The following NOL7 variants were observed in gnomAD, a reference collection of about 807,000 sequenced individuals.
NOL7 encodes the protein nucleolar protein 7, also known as U3 small nucleolar RNA-associated protein NOL7.
Under a neutral mutation model 38.4 loss-of-function variants are expected in NOL7, and 36 were observed. That is an observed-to-expected ratio of 0.94 (90% CI 0.72 to 1.24). The LOEUF is 1.24. Among genes scored for constraint, NOL7 ranks in the 50% most tolerant of loss-of-function variants. The pLI is 0.00. For synonymous variants in NOL7, 142 were observed against 126.5 expected, an observed-to-expected ratio of 1.12 and a Z score of -0.82; for missense variants, 350 against 315.1, an observed-to-expected ratio of 1.11 and a Z score of -0.84.
chr6:13,615,358 C>T lies in NOL7; in HGVS notation c.-1C>T. The T allele has an allele frequency of 2.0e-6, 3 of 1,484,650 alleles. No individual in the cohort carries two copies. The highest frequency in any genetic ancestry group is 2.5e-5 in the East Asian group (1 of 40,530). 92.0% of individuals were successfully genotyped at this position (1,484,650 alleles called of 1,614,324 possible). On this transcript the variant is annotated 5_prime_UTR_variant, in exon 1 of 8. Transcript: ENST00000451315. Reference sequence around the variant, plus strand: ...TCAGACGGTCTAGCGCTGCGTGGGCCATGGTGCAGCTCCGACCGCGAGCGT... The same window carrying T: ...TCAGACGGTCTAGCGCTGCGTGGGCTATGGTGCAGCTCCGACCGCGAGCGT...
intron 8 of NOL7, among the ~76,000 whole-genome samples, chr6:13,627,529 C>G (rs1204109532): frequency 6.7e-6 from 1 of 149,274 alleles, no homozygotes; most frequent in Non-Finnish European, 1.5e-5. Flanking sequence ...ACTCGGGAGG[C>G]TGAGGCAGGA....
intron 5 of NOL7, among the ~76,000 whole-genome samples, chr6:13,619,640 C>T (rs1764382350): frequency 6.6e-6 from 1 of 152,136 alleles, no homozygotes; most frequent in Non-Finnish European, 1.5e-5. Context: ...AATGTTTTGA[C>T]TTTTGGTTTT....
intron 3 of NOL7, among the ~76,000 whole-genome samples, chr6:13,617,194 C>G (rs901617312): frequency 1.3e-5 from 2 of 152,060 alleles, no homozygotes; most frequent in Non-Finnish European, 2.9e-5. Flanking sequence ...GTGGCAAATT[C>G]CCTTTCATCT....
chr6:13,630,496 T>TA (rs1449482281), intron 8 of NOL7, among the ~76,000 whole-genome samples: 2 of 146,882 alleles, frequency 1.4e-5, no homozygotes, highest in East Asian at 2.0e-4. Context: ...TGACCTAGTG[T>TA]AAAAAAAGTC....
At chr6:13,616,369 G>T in intron 2 of NOL7, 94 bp from the exon 3 acceptor site, 1 of 805,586 alleles carries the variant, frequency 1.2e-6, no homozygotes, top group Non-Finnish European at 2.0e-6. Flanking sequence ...TTGCCTAGAT[G>T]TAGGGCATTC....
At chr6:13,625,525 T>C (rs1021594661), downstream of NOL7, 32 of 542,526 alleles carry the variant, frequency 5.9e-5, no homozygotes, top group African/African-American at 5.5e-4. Flanking sequence ...TTTAGGTATT[T>C]TTATATTTTA....
intron 5 of NOL7, 109 bp from the exon 6 acceptor site, chr6:13,620,099 A>G (rs1244343220): frequency 7.3e-6 from 9 of 1,232,940 alleles, no homozygotes; most frequent in Non-Finnish European, 8.8e-6. Context: ...AGTTGCAGTG[A>G]GCTGAGATCG....
intron 6 of NOL7, 35 bp from the exon 7 acceptor site, chr6:13,620,373 A>G (rs1307347264): frequency 6.2e-7 from 1 of 1,613,732 alleles, no homozygotes; most frequent in African/African-American, 1.3e-5. Context: ...TACTGCAAAT[A>G]AAACTGTGAA....
At chr6:13,620,718 T>C in intron 7 of NOL7, 36 bp from the exon 8 acceptor site, 3 of 1,387,308 alleles carry the variant, frequency 2.2e-6, no homozygotes, top group Non-Finnish European at 3.0e-6. Context: ...ATTATGTTTT[T>C]CTAATATACT....
At chr6:13,625,351 C>T (rs1764572528), downstream of NOL7, among the ~76,000 whole-genome samples, 1 of 152,132 alleles carries the variant, frequency 6.6e-6, no homozygotes, top group African/African-American at 2.4e-5. Context: ...CACCAAATCT[C>T]TCATTCTAAT....
At chr6:13,624,928 G>C (rs939126664), downstream of NOL7, among the ~76,000 whole-genome samples, 1 of 152,152 alleles carries the variant, frequency 6.6e-6, no homozygotes, top group Non-Finnish European at 1.5e-5. Context: ...AGCATGGTGG[G>C]AGCTGTGATA....
chr6:13,620,188 C>A lies in NOL7; in HGVS notation c.501-20C>A. 6.3e-7 allele frequency: 1 copy of A among 1,591,188 alleles called. No individual in the cohort carries two copies. The highest frequency in any genetic ancestry group is 8.5e-7 in the Non-Finnish European group (1 of 1,173,714). ...GTAAGCATGTGTAATTCTTATTTAA[C>A]CTTTTATATTGATCAACAGCCAGAA... On this transcript the variant is annotated intron_variant, in intron 5 of 7. Coordinates refer to ENST00000451315, the MANE Select transcript of NOL7 (RefSeq NM_016167.5).
At chr6:13,629,887 ATGTCTC>A (rs1207538171) in intron 8 of NOL7, among the ~76,000 whole-genome samples, 40 of 141,590 alleles carry the variant, frequency 2.8e-4, no homozygotes, top group Non-Finnish European at 4.4e-4. Context: ...TCTCTCTCTC[ATGTCTC>A]TGTCTCTCTC....
rs1314853973 is a variant in NOL7 at position 13,617,810 on chromosome 6, A to C, written c.418+9A>C. On this transcript the variant is annotated intron_variant, in intron 4 of 7. Coordinates refer to ENST00000451315, the MANE Select transcript of NOL7 (RefSeq NM_016167.5). Reference sequence around the variant, plus strand: ...AGGAAAGGTGAAAGAAGGTATGACTATTCTAATTTAACTAACTTCTCATGT... The same window carrying C: ...AGGAAAGGTGAAAGAAGGTATGACTCTTCTAATTTAACTAACTTCTCATGT... 1 of 1,612,408 alleles carries C rather than the reference A, an allele frequency of 6.2e-7. No homozygotes were observed. The highest frequency in any genetic ancestry group is 8.5e-7 in the Non-Finnish European group (1 of 1,178,506).
chr6:13,626,316 C>CA (rs1445048443), downstream of NOL7, among the ~76,000 whole-genome samples: 8 of 152,220 alleles, frequency 5.3e-5, no homozygotes, highest in Non-Finnish European at 1.2e-4. Context: ...AAATGACTGA[C>CA]AGTCGTCTTC....
At position 13,620,925 on chromosome 6, in the gene NOL7, C is replaced by A; in HGVS notation, c.*98C>A. The A allele has an allele frequency of 2.6e-6, 2 of 773,624 alleles. No homozygotes were observed. The highest frequency in any genetic ancestry group is 2.0e-6 in the Non-Finnish European group (1 of 496,344). The allele number at this position is 773,624 out of a possible 1,614,324, so 47.9% of individuals were successfully genotyped here. On this transcript the variant is annotated 3_prime_UTR_variant, in exon 8 of 8. Transcript: ENST00000451315. The stretch of plus-strand genomic sequence containing the variant: ...AAAGGATCATTATAAAAATCATAAA[C>A]CTATTTGAGGAAGTGCTCAACCACA...
downstream of NOL7, chr6:13,622,071 GTTTC>G (rs1442455239): frequency 5.3e-6 from 1 of 189,922 alleles, no homozygotes; most frequent in African/African-American, 2.3e-5. Context: ...AGGATTTTTG[GTTTC>G]TTTTAGGTAA....
chr6:13,626,442 T>G (rs1443070481), downstream of NOL7, among the ~76,000 whole-genome samples: 1 of 152,252 alleles, frequency 6.6e-6, no homozygotes, highest in African/African-American at 2.4e-5. Flanking sequence ...TGTGTAGCCT[T>G]TGGCAATTGA....
intron 8 of NOL7, among the ~76,000 whole-genome samples, chr6:13,632,026 A>T (rs1764795941): frequency 6.6e-6 from 1 of 151,736 alleles, no homozygotes; most frequent in Admixed American, 6.6e-5. Flanking sequence ...TGCTCCTAGT[A>T]ACTGCTGATT....
Sources: gnomAD v4.1 joint callset for allele counts (sites outside exome capture counted in the v4.1 genomes callset) on GRCh38, gnomAD v4.1.1 for gene constraint, MANE v1.5 for transcripts, NCBI Gene and HGNC (gene_info 2026-07-23, HGNC 2026-07-21) for gene names.